MIA2: variants seen among roughly 807,000 people sequenced by gnomAD.
MIA2 encodes the protein MIA SH3 domain ER export factor 2.
MIA2 carries 127 observed loss-of-function variants against 167.8 expected under a neutral mutation model. The observed-to-expected ratio is 0.76, with a 90% CI of 0.66 to 0.88. The LOEUF (loss-of-function observed/expected upper bound fraction) is 0.88. MIA2 is among the 40% of genes least tolerant of loss of function. The pLI is 0.00. For missense variants in MIA2, 1,690 were observed against 1,624.7 expected (o/e 1.04, Z -0.69); for synonymous variants, 552 against 541.9 (o/e 1.02, Z -0.26).
rs1295118152 is a variant in MIA2, at chr14:39,234,314, AAT to A, written c.115+86_115+87del. The A allele has an allele frequency of 3.8e-6, 3 of 782,252 alleles. No homozygotes were observed. In the Admixed American group the frequency reaches 8.6e-5, roughly 22 times the overall value. 48.5% of individuals were successfully genotyped at this position (782,252 alleles called of 1,614,324 possible). On this transcript the variant is annotated intron_variant, in intron 1 of 28. Transcript: ENST00000640607. The stretch of plus-strand genomic sequence containing the variant: ...TCTTATTGTGGTCACGCATGATAAA[AAT>A]GAGTATTGATACCATTGAGAAATAT...
chr14:39,270,438 A>G (rs572001317), intron 6 of MIA2, among the ~76,000 whole-genome samples: 2 of 151,848 alleles, frequency 1.3e-5, no homozygotes, highest in South Asian at 4.2e-4. Context: ...TGACCTTGTG[A>G]TCCACCCGCC....
At chr14:39,294,135 A>G in intron 12 of MIA2, 64 bp downstream of exon 12, 1 of 1,205,320 alleles carries the variant, frequency 8.3e-7, no homozygotes, top group Non-Finnish European at 1.2e-6. Context: ...ATTTTTTAAA[A>G]TTAAGAAATA....
At chr14:39,318,586 GCTTGT>G (rs1229343858) in intron 22 of MIA2, among the ~76,000 whole-genome samples, 4 of 151,934 alleles carry the variant, frequency 2.6e-5, no homozygotes, top group Admixed American at 6.6e-5. Flanking sequence ...TAGTCCTCTT[GCTTGT>G]CTTTTCTAGT....
chr14:39,300,100 AT>A, intron 14 of MIA2, 114 bp downstream of exon 14: 1 of 1,323,010 alleles, frequency 7.6e-7, no homozygotes, highest in Non-Finnish European at 1.0e-6. Context: ...TTCATAACAT[AT>A]TTGGCCAGAT....
intron 2 of MIA2, among the ~76,000 whole-genome samples, chr14:39,238,811 A>AAAAAAAAAAAAAAAAC: frequency 0.035 from 3,622 of 103,072 alleles, 438 homozygotes; most frequent in African/African-American, 0.11. Context: ...AAAAAAAAAA[A>AAAAAAAAAAAAAAAAC]CCCAAAAAAC....
chr14:39,357,444 GTC>G (rs2074558616), intron 23 of MIA2, among the ~76,000 whole-genome samples: 1 of 152,080 alleles, frequency 6.6e-6, no homozygotes, highest in Non-Finnish European at 1.5e-5. Context: ...GCCTATGTAT[GTC>G]TCTGCATGTG....
intron 14 of MIA2, among the ~76,000 whole-genome samples, chr14:39,300,685 G>T (rs1234834030): frequency 1.9e-5 from 2 of 103,514 alleles, no homozygotes; most frequent in East Asian, 7.0e-4. Flanking sequence ...GGGGAGGGGG[G>T]AGGGATAGCA....
At position 39,286,696 on chromosome 14, in the gene MIA2, C is replaced by CTTT. The variant is rs35159773; in HGVS notation, c.2131-4310_2131-4308dup. Among the ~76,000 whole-genome samples the CTTT allele has an allele frequency of 7.9e-4, 113 of 142,656 alleles. 25 individuals are homozygous for CTTT. Among genetic ancestry groups the CTTT allele is most frequent in the Middle Eastern group, 3.6e-3 (1 of 280 alleles). 93.6% of individuals were successfully genotyped at this position (142,656 alleles called of 152,430 possible). On this transcript the variant is annotated intron_variant, in intron 9 of 28. Coordinates refer to ENST00000640607, the MANE Select transcript of MIA2 (RefSeq NM_001329214.4). ...TTATCCTTCTCTTCCTTCCTTCTTA[C>CTTT]TTTTTTTTTTTTTTTGAGACAGGCT...
At chr14:39,339,924 C>T (rs2153046946) in intron 25 of MIA2, among the ~76,000 whole-genome samples, 1 of 152,302 alleles carries the variant, frequency 6.6e-6, no homozygotes, top group African/African-American at 2.4e-5. Context: ...CAGCTTACTA[C>T]AGCCTCGACC....
At chr14:39,263,873 A>G (rs979994325) in intron 6 of MIA2, among the ~76,000 whole-genome samples, 1 of 152,032 alleles carries the variant, frequency 6.6e-6, no homozygotes, top group Non-Finnish European at 1.5e-5. Context: ...ACCTCGAGTG[A>G]TTCGCCCGCC....
chr14:39,295,983 C>A (rs561480096), intron 13 of MIA2, among the ~76,000 whole-genome samples: 3 of 152,226 alleles, frequency 2.0e-5, no homozygotes, highest in African/African-American at 7.2e-5. Flanking sequence ...ATATCTTATT[C>A]ATGCCTTCAA....
At chr14:39,277,527 A>G (rs1194075572) in intron 7 of MIA2, among the ~76,000 whole-genome samples, 3 of 150,786 alleles carry the variant, frequency 2.0e-5, no homozygotes, top group African/African-American at 7.3e-5. Flanking sequence ...CCCTGTCTCA[A>G]AAATAAAGAG....
intron 25 of MIA2, among the ~76,000 whole-genome samples, chr14:39,334,239 C>G (rs1365199628): frequency 6.6e-6 from 1 of 152,096 alleles, no homozygotes; most frequent in Non-Finnish European, 1.5e-5. Flanking sequence ...CTTTGGGAGG[C>G]CAAGGCAGGT....
chr14:39,361,620 A>G (rs1273374840), intron 23 of MIA2, among the ~76,000 whole-genome samples: 1 of 151,984 alleles, frequency 6.6e-6, no homozygotes, highest in Non-Finnish European at 1.5e-5. Context: ...GTGTATTTTT[A>G]GTAGAAATGG....
chr14:39,385,683 AG>A, intron 23 of MIA2: 1 of 978,342 alleles, frequency 1.0e-6, no homozygotes. Context: ...CTTCAACTTG[AG>A]GGGCAGCTGC....
chr14:39,352,928 T>C (rs2074428101), downstream of MIA2, among the ~76,000 whole-genome samples: 1 of 152,192 alleles, frequency 6.6e-6, no homozygotes, highest in South Asian at 2.1e-4. Context: ...GATATTGTTA[T>C]TAGGGTCTTC....
At chr14:39,279,561 T>A (rs763271064) in intron 9 of MIA2, 24 bp downstream of exon 9, 62 of 1,478,992 alleles carry the variant, frequency 4.2e-5, no homozygotes, top group Non-Finnish European at 5.6e-5. Context: ...GAAAATAATA[T>A]TCATGTTAGA....
At chr14:39,358,641 T>C (rs1262096428) in intron 23 of MIA2, among the ~76,000 whole-genome samples, 1 of 152,208 alleles carries the variant, frequency 6.6e-6, no homozygotes, top group Non-Finnish European at 1.5e-5. Context: ...ATTTTTAGAA[T>C]TTTCAGTTTT....
chr14:39,354,193 T>C (rs2074463939), downstream of MIA2, among the ~76,000 whole-genome samples: 1 of 152,214 alleles, frequency 6.6e-6, no homozygotes, highest in South Asian at 2.1e-4. Flanking sequence ...AGTGTAAAAG[T>C]GTTCCTGTTT....
Sources: gnomAD v4.1 joint callset for allele counts (sites outside exome capture counted in the v4.1 genomes callset) on GRCh38, gnomAD v4.1.1 for gene constraint, MANE v1.5 for transcripts, NCBI Gene and HGNC (gene_info 2026-07-23, HGNC 2026-07-21) for gene names.